The following CFAP92 variants were observed in gnomAD, a reference collection of about 807,000 sequenced individuals.
CFAP92 encodes cilia and flagella associated protein 92 (putative).
In CFAP92, 86 loss-of-function variants were observed where a neutral mutation model predicts 106.3. That is an observed-to-expected ratio of 0.81 (90% confidence interval 0.68 to 0.97). The LOEUF is 0.97. Ranked by LOEUF, CFAP92 falls within the 50% of genes least tolerant of loss-of-function variation. CFAP92 has a pLI of 0.00. For synonymous variants in CFAP92, 477 were observed against 506.4 expected (o/e 0.94, Z 0.78); for missense variants, 1,204 against 1,283.8 (o/e 0.94, Z 0.95).
At chr3:128,935,438 A>G in intron 10 of CFAP92, 119 bp from the exon 11 acceptor site, 2 of 606,450 alleles carry the variant, frequency 3.3e-6, no homozygotes, top group Non-Finnish European at 5.4e-6. Context: ...GGGGCCGGGT[A>G]TGGTGACTCA....
rs1170370340 is a variant in CFAP92 at position 128,977,076 on chromosome 3, G to A, written c.809-10C>T. The A allele has an allele frequency of 9.9e-6, 16 of 1,611,264 alleles. No individual in the cohort carries two copies. Among genetic ancestry groups the A allele is most frequent in the Admixed American group, 1.7e-5 (1 of 59,968 alleles). ...TCTGCTTGGTGAGAACCTGAAAACA[G>A]TAGCAAATATTTCCAAGCTTTTTGT... On this transcript the variant is annotated splice_polypyrimidine_tract_variant and intron_variant, in intron 5 of 15. Transcript: ENST00000645291.
chr3:129,004,882 G>A (rs562977849), upstream of CFAP92, among the ~76,000 whole-genome samples: 8 of 152,220 alleles, frequency 5.3e-5, no homozygotes, highest in African/African-American at 1.7e-4. Context: ...AGGGCTTTTG[G>A]CAGACGTGTG....
At chr3:128,962,943 G>A (rs1054242890) in intron 9 of CFAP92, among the ~76,000 whole-genome samples, 3 of 152,034 alleles carry the variant, frequency 2.0e-5, no homozygotes, top group Admixed American at 1.3e-4. Context: ...ATTCTGTTCT[G>A]GATCTCAAAC....
intron 7 of CFAP92, among the ~76,000 whole-genome samples, chr3:128,975,549 G>A (rs1943098007): frequency 6.6e-6 from 1 of 151,972 alleles, no homozygotes; most frequent in African/African-American, 2.4e-5. Flanking sequence ...GAGATGGATG[G>A]ATAGATGGGG....
upstream of CFAP92, chr3:129,004,148 C>A: frequency 7.3e-7 from 1 of 1,374,276 alleles, no homozygotes; most frequent in Non-Finnish European, 9.4e-7. Context: ...TTCGGGTGTG[C>A]AATCCCCCTC....
At chr3:129,009,908 A>G in the CFAP92 span, among the ~76,000 whole-genome samples, 2 of 152,192 alleles carry the variant, frequency 1.3e-5, no homozygotes, top group African/African-American at 2.4e-5. Flanking sequence ...CAGGTGATTC[A>G]GGGCTCACTG....
rs1936726023 is a variant in CFAP92, at chr3:128,915,379, G to A, written c.3101C>T (p.Pro1034Leu). The change falls in exon 14 of 16, where the codon CCA becomes CTA. Residue 1034 changes from proline to leucine, a missense_variant. Coordinates refer to ENST00000645291, the MANE Select transcript of CFAP92 (RefSeq NM_001394090.1). Reference protein sequence around the residue: ...TESSFQDLKLPPIKELNEEWK... With the variant: ...TESSFQDLKLLPIKELNEEWK... Reference sequence around the variant, plus strand: ...GACCTCATTCAGCTCTTTGATGGGTGGCAGCTTGAGATCCTGAAAGCTGCT... The same window carrying A: ...GACCTCATTCAGCTCTTTGATGGGTAGCAGCTTGAGATCCTGAAAGCTGCT... The A allele has an allele frequency of 6.5e-7, 1 of 1,536,110 alleles. No homozygotes were observed. The highest frequency in any genetic ancestry group is 8.7e-7 in the Non-Finnish European group (1 of 1,146,906).
At chr3:128,972,816 T>C (rs1017283558) in intron 7 of CFAP92, among the ~76,000 whole-genome samples, 2 of 151,442 alleles carry the variant, frequency 1.3e-5, no homozygotes, top group African/African-American at 4.9e-5. Context: ...GATCGCGCCA[T>C]TGTACTCCAG....
rs1198858538 is a variant in CFAP92, at chr3:128,945,056, A to G, written c.2258+15T>C. 1 of 1,493,682 alleles carries G rather than the reference A, an allele frequency of 6.7e-7. No homozygotes were observed. Among genetic ancestry groups the G allele is most frequent in the Non-Finnish European group, 8.9e-7 (1 of 1,125,002 alleles). 92.5% of individuals were successfully genotyped at this position (1,493,682 alleles called of 1,614,324 possible). ...TGCCATCATTTTTATGTAAAATGTA[A>G]AACAAACCACCTACCAGCTTTGGTG... is the stretch of plus-strand genomic sequence containing the variant. On this transcript the variant is annotated intron_variant, in intron 10 of 15. Transcript: ENST00000645291.
intron 1 of CFAP92, chr3:129,002,343 G>A (rs149977586): frequency 3.3e-6 from 5 of 1,511,718 alleles, no homozygotes; most frequent in Non-Finnish European, 4.4e-6. Flanking sequence ...CGGCCACGAA[G>A]GGAGGGTGGT....
upstream of CFAP92, chr3:129,004,216 C>A (rs973855056): frequency 1.8e-6 from 2 of 1,131,242 alleles, no homozygotes; most frequent in Admixed American, 4.1e-5. Context: ...TTCTTTCATT[C>A]CTTTGTCAGT....
At chr3:128,910,755 C>T (rs1223407767) in intron 15 of CFAP92, 1 of 1,614,218 alleles carries the variant, frequency 6.2e-7, no homozygotes, top group Non-Finnish European at 8.5e-7. Flanking sequence ...TCTTGGCCAA[C>T]ACCTTCTGCG....
intron 9 of CFAP92, among the ~76,000 whole-genome samples, chr3:128,959,604 G>A (rs999135194): frequency 2.6e-5 from 4 of 152,188 alleles, no homozygotes; most frequent in Non-Finnish European, 5.9e-5. Flanking sequence ...CAGCAGTGCT[G>A]AACCTGGTTG....
rs1291514581 is a variant in CFAP92, at chr3:128,993,471, T to C, written c.-32-135A>G. The C allele has an allele frequency of 3.7e-6, 3 of 811,218 alleles. No individual in the cohort carries two copies. In the Admixed American group the frequency reaches 8.1e-5, roughly 22 times the overall value. The allele number at this position is 811,218 out of a possible 1,614,324, so 50.3% of individuals were successfully genotyped here. On this transcript the variant is annotated intron_variant, in intron 1 of 15. Transcript: ENST00000645291. ...CCTGCTCCTAGATGAACGCCGGGGCTCCTTCACTGCCTGCCACACAGTCGG... is the reference window on the plus strand; with the variant it reads ...CCTGCTCCTAGATGAACGCCGGGGCCCCTTCACTGCCTGCCACACAGTCGG...
chr3:128,976,794 C>G (rs538330331), intron 6 of CFAP92, among the ~76,000 whole-genome samples, 185 bp downstream of exon 6: 1 of 152,190 alleles, frequency 6.6e-6, no homozygotes, highest in East Asian at 1.9e-4. Flanking sequence ...ATAATGCATG[C>G]AGAAAGCTTG....
chr3:128,993,110 G>C lies in CFAP92; in HGVS notation c.195C>G (p.Phe65Leu), dbSNP rs778885634. The change falls in exon 2 of 16, where the codon TTC (phenylalanine) becomes TTG (leucine). Residue 65 changes from phenylalanine to leucine, a missense_variant. By Grantham distance (22) the Phe-to-Leu change is conservative. Coordinates refer to ENST00000645291, the MANE Select transcript of CFAP92 (RefSeq NM_001394090.1). ...IESSSEPAST[F>L]SSDVPHVVPC... ...GGACCACGTGGGGCACGTCGGAGCT[G>C]AAAGTGCTGGCAGGCTCAGATGAGG... The C allele has an allele frequency of 1.2e-6, 2 of 1,614,116 alleles. No individual in the cohort carries two copies. Among genetic ancestry groups the C allele is most frequent in the Admixed American group, 3.3e-5 (2 of 60,036 alleles).
chr3:128,933,830 G>A (rs1182206203), intron 11 of CFAP92, among the ~76,000 whole-genome samples: 1 of 152,124 alleles, frequency 6.6e-6, no homozygotes, highest in East Asian at 1.9e-4. Context: ...CCAAAGGTGA[G>A]GGCCACAGAA....
chr3:128,910,373 C>T (rs1318697048), intron 15 of CFAP92, 40 bp from the exon 16 acceptor site: 2 of 1,456,732 alleles, frequency 1.4e-6, no homozygotes, highest in Non-Finnish European at 1.8e-6. Context: ...TTCCTGATCC[C>T]AGTGCCCCTA....
At chr3:129,001,100 C>T (rs1423099165) in intron 1 of CFAP92, among the ~76,000 whole-genome samples, 10 of 152,218 alleles carry the variant, frequency 6.6e-5, no homozygotes, top group African/African-American at 9.6e-5. Flanking sequence ...AAAGGCCTTC[C>T]GGGAAGAGGG....
Sources: allele counts gnomAD v4.1 joint callset (sites outside exome capture counted in the v4.1 genomes callset), GRCh38; gene constraint gnomAD v4.1.1; transcripts MANE v1.5; gene names NCBI Gene and HGNC (gene_info 2026-07-23, HGNC 2026-07-21).